The following LAMA2 variants were observed in gnomAD, a reference collection of about 807,000 sequenced individuals.
LAMA2 encodes laminin subunit alpha-2.
In LAMA2, 269 loss-of-function variants were observed where a neutral mutation model predicts 364.8. That is an observed-to-expected ratio of 0.74 (90% CI 0.67 to 0.82). LAMA2 has a LOEUF of 0.82. Ranked by LOEUF, LAMA2 falls within the 40% of genes least tolerant of loss-of-function variation. LAMA2 has a pLI of 0.00. For missense variants in LAMA2, 3,807 were observed against 3,873.2 expected (o/e 0.98, Z 0.45); for synonymous variants, 1,379 against 1,370.6 (o/e 1.01, Z -0.14).
At chr6:129,204,938 G>A (rs549451771) in intron 12 of LAMA2, among the ~76,000 whole-genome samples, 39 of 152,092 alleles carry the variant, frequency 2.6e-4, no homozygotes, top group Non-Finnish European at 4.6e-4. Flanking sequence ...TACTCAACCC[G>A]ACTCATAGTA....
chr6:128,970,394 T>C (rs1782116109), intron 1 of LAMA2, among the ~76,000 whole-genome samples: 1 of 152,194 alleles, frequency 6.6e-6, no homozygotes, highest in Non-Finnish European at 1.5e-5. Context: ...TTTTGTTCTA[T>C]GTTATATGAC....
intron 38 of LAMA2, 147 bp downstream of exon 38, chr6:129,401,487 C>G: frequency 2.9e-6 from 2 of 679,254 alleles, no homozygotes; most frequent in Admixed American, 4.3e-5. Context: ...CCATGCCTAT[C>G]TATTGGTGAC....
intron 30 of LAMA2, among the ~76,000 whole-genome samples, chr6:129,347,589 A>G (rs1044058027): frequency 5.9e-5 from 9 of 152,204 alleles, no homozygotes; most frequent in African/African-American, 2.2e-4. Context: ...ACAGAGAGCA[A>G]GCTCTGTAAA....
chr6:129,209,378 G>A (rs1393656467), intron 12 of LAMA2, among the ~76,000 whole-genome samples: 2 of 152,152 alleles, frequency 1.3e-5, no homozygotes, highest in Non-Finnish European at 2.9e-5. Context: ...GTGATGGATA[G>A]AATAAGGGCT....
intron 12 of LAMA2, among the ~76,000 whole-genome samples, chr6:129,228,962 A>G (rs1317395954): frequency 1.3e-5 from 2 of 152,202 alleles, no homozygotes; most frequent in East Asian, 3.8e-4. Context: ...CATTGTGTGT[A>G]TGTATTGAAT....
chr6:129,123,458 A>G (rs1158047611), intron 4 of LAMA2, among the ~76,000 whole-genome samples: 3 of 152,138 alleles, frequency 2.0e-5, no homozygotes, highest in Non-Finnish European at 4.4e-5. Context: ...ATTATTCACA[A>G]TAGTCAAGAT....
Position 129,349,346 on chromosome 6 carries a change from G to T in LAMA2, c.4485G>T (p.Thr1495=). The T allele has an allele frequency of 6.2e-7, 1 of 1,613,570 alleles. No individual in the cohort carries two copies. The highest frequency in any genetic ancestry group is 8.5e-7 in the Non-Finnish European group (1 of 1,179,652). Residue 1495 remains threonine (T), a synonymous_variant, in exon 31 of 65, where the codon ACG becomes ACT. Coordinates refer to ENST00000421865, the MANE Select transcript of LAMA2 (RefSeq NM_000426.4). ...AAGGACTTGACGACTACCGCTGCAC[G>T]GCTTGTCCACGGGGATATGAAGGCC... The part of the protein sequence containing the change: ...VAEGLDDYRC[T]ACPRGYEGQY...
chr6:129,491,775 G>A, intron 56 of LAMA2, 126 bp from the exon 57 acceptor site: 1 of 750,886 alleles, frequency 1.3e-6, no homozygotes, highest in Non-Finnish European at 2.3e-6. Context: ...GAATTCCTAA[G>A]CATCCAATTT....
chr6:129,158,707 G>T (rs1329112220), intron 8 of LAMA2: 9 of 1,613,916 alleles, frequency 5.6e-6, no homozygotes, highest in Non-Finnish European at 6.8e-6. Flanking sequence ...ACAACAGGGG[G>T]CATGTGGGTT....
intron 2 of LAMA2, among the ~76,000 whole-genome samples, chr6:129,056,146 A>G (rs1293297840): frequency 6.6e-6 from 1 of 152,208 alleles, no homozygotes; most frequent in Non-Finnish European, 1.5e-5. Flanking sequence ...TAAACGCACA[A>G]TCTGTAAAAA....
At chr6:129,396,453 T>C (rs1779623544) in intron 37 of LAMA2, among the ~76,000 whole-genome samples, 1 of 152,150 alleles carries the variant, frequency 6.6e-6, no homozygotes, top group Non-Finnish European at 1.5e-5. Context: ...TAAGGTGATC[T>C]TAGGAAGTGT....
In LAMA2 at chr6:128,883,296, C is replaced by A. The variant is rs1279694627; in HGVS notation, c.51C>A (p.Leu17=). ...VLLLLLLSGG[L]GGVQAQRPQQ... ...TCCTTCTGCTGCTCTCCGGAGGCCT[C>A]GGGGGCGTACAGGCGCAGCGGCCGC... The change falls in exon 1 of 65, where the codon CTC becomes CTA. Residue 17 remains leucine, a synonymous_variant. Coordinates refer to ENST00000421865, the MANE Select transcript of LAMA2 (RefSeq NM_000426.4). 1 of 1,588,070 alleles carries A rather than the reference C, an allele frequency of 6.3e-7. No individual in the cohort carries two copies.
chr6:129,376,552 C>A (rs548986553), intron 34 of LAMA2, among the ~76,000 whole-genome samples: 78 of 152,292 alleles, frequency 5.1e-4, no homozygotes, highest in African/African-American at 1.8e-3. Context: ...GACCAAAATT[C>A]TCCCCTTGGC....
intron 1 of LAMA2, among the ~76,000 whole-genome samples, chr6:129,029,010 T>G (rs1005774695): frequency 2.0e-5 from 3 of 151,896 alleles, no homozygotes; most frequent in African/African-American, 7.2e-5. Flanking sequence ...CAGGATATGT[T>G]TTCTAGATAT....
chr6:129,376,071 T>C (rs1313345337), intron 34 of LAMA2, among the ~76,000 whole-genome samples: 1 of 152,218 alleles, frequency 6.6e-6, no homozygotes, highest in African/African-American at 2.4e-5. Flanking sequence ...TCCTATCATG[T>C]CATTCTCTTC....
intron 17 of LAMA2, among the ~76,000 whole-genome samples, chr6:129,273,016 A>G (rs1490641010): frequency 6.6e-6 from 1 of 152,164 alleles, no homozygotes; most frequent in East Asian, 1.9e-4. Context: ...TCCAGGGCCT[A>G]AGGCATGAGC....
rs368505869 is a variant in LAMA2 at position 128,954,982 on chromosome 6, CA to C, written c.112+71636del. On this transcript the variant is annotated intron_variant, in intron 1 of 64. Coordinates refer to ENST00000421865, the MANE Select transcript of LAMA2 (RefSeq NM_000426.4). ...TAAATCTATAAGGCACAGGTGTGAGCAAAAAAAAAAATAATAAGAATCACTC... is the reference window on the plus strand; with the variant it reads ...TAAATCTATAAGGCACAGGTGTGAGCAAAAAAAAAATAATAAGAATCACTC... Among the ~76,000 whole-genome samples the C allele has an allele frequency of 2.9e-3, 418 of 141,926 alleles. 3 individuals carry two copies. Among genetic ancestry groups the C allele is most frequent in the South Asian group, 0.026 (119 of 4,522 alleles). The allele number at this position is 141,926 out of a possible 152,430, so 93.1% of individuals were successfully genotyped here.
chr6:129,183,809 T>G (rs2115024578), intron 10 of LAMA2, among the ~76,000 whole-genome samples: 1 of 152,112 alleles, frequency 6.6e-6, no homozygotes, highest in East Asian at 1.9e-4. Flanking sequence ...GTAATTCTGT[T>G]TTATGTCTAT....
chr6:129,032,799 C>T (rs949852032), intron 1 of LAMA2, among the ~76,000 whole-genome samples: 16 of 152,122 alleles, frequency 1.1e-4, no homozygotes, highest in African/African-American at 1.9e-4. Flanking sequence ...ATATTTATTT[C>T]GGAGTTAGCA....
Sources: gnomAD v4.1 joint callset for allele counts (sites outside exome capture counted in the v4.1 genomes callset) on GRCh38, gnomAD v4.1.1 for gene constraint, MANE v1.5 for transcripts, NCBI Gene and HGNC (gene_info 2026-07-23, HGNC 2026-07-21) for gene names.